STON2: variants seen among roughly 807,000 people sequenced by gnomAD.
The protein encoded by STON2 is stonin-2.
In STON2, 29 loss-of-function variants were observed where a neutral mutation model predicts 65.7. The ratio of observed to expected loss-of-function variants is 0.44; its 90% CI spans 0.33 to 0.60. STON2 has a LOEUF of 0.60. Ranked by LOEUF, STON2 falls within the 20% of genes least tolerant of loss-of-function variation. STON2 has a pLI of 0.03. For synonymous variants in STON2, 404 were observed against 414.2 expected, an observed-to-expected ratio of 0.98 and a Z score of 0.30; for missense variants, 1,054 against 1,118.1, an observed-to-expected ratio of 0.94 and a Z score of 0.82.
chr14:81,425,183 T>A (rs984309533), intron 2 of STON2, among the ~76,000 whole-genome samples: 1 of 151,976 alleles, frequency 6.6e-6, no homozygotes, highest in East Asian at 1.9e-4. Context: ...AGAGTGAGAG[T>A]TTTTTAGAAA....
At chr14:81,402,326 G>A (rs1473228999), upstream of STON2, among the ~76,000 whole-genome samples, 4 of 152,142 alleles carry the variant, frequency 2.6e-5, no homozygotes, top group Admixed American at 2.6e-4. Flanking sequence ...CCATTCTAGG[G>A]CCTGAGGGTC....
At chr14:81,416,076 C>A (rs907934308) in intron 2 of STON2, among the ~76,000 whole-genome samples, 1 of 152,150 alleles carries the variant, frequency 6.6e-6, no homozygotes, top group Non-Finnish European at 1.5e-5. Flanking sequence ...ACAAGCTCTT[C>A]GGGCAGCAGG....
chr14:81,382,437 A>G (rs947842960), intron 3 of STON2, among the ~76,000 whole-genome samples: 2 of 151,876 alleles, frequency 1.3e-5, no homozygotes, highest in African/African-American at 4.9e-5. Flanking sequence ...CATATATATA[A>G]AGTTCAAAAC....
Position 81,324,154 on chromosome 14 carries a change from G to T in STON2, c.605C>A (p.Thr202Lys), listed in dbSNP as rs1566909025. 6.6e-6 allele frequency among the ~76,000 whole-genome samples: 1 copy of T among 152,130 alleles called. No individual in the cohort carries two copies. The highest frequency in any genetic ancestry group is 2.1e-4 in the South Asian group (1 of 4,816). ...GCATGCTTGAACAGGACTCACTGCC[G>T]TCTGCCTGCCTGTCTGCCACTCCGT... ...KRTEWQTGRQ[T>K]AVSPVQACSE... Residue 202 changes from threonine (T) to lysine (K), a missense_variant, in exon 5 of 8, where the codon ACG becomes AAG. Coordinates refer to ENST00000614646, the MANE Select transcript of STON2 (RefSeq NM_001394390.1).
chr14:81,345,442 C>G (rs1054575723), intron 4 of STON2, among the ~76,000 whole-genome samples: 39 of 152,262 alleles, frequency 2.6e-4, no homozygotes, highest in Non-Finnish European at 5.6e-4. Context: ...CAGAAGAAAC[C>G]AACTCTACTG....
Position 81,347,209 on chromosome 14 carries a change from C to T in STON2, c.572-23022G>A, listed in dbSNP as rs922567590. On this transcript the variant is annotated intron_variant, in intron 4 of 7. Coordinates refer to ENST00000614646, the MANE Select transcript of STON2 (RefSeq NM_001394390.1). ...AACCAAGGGAAAGGAGAGAAGTTCC[C>T]AATAAACAAAATCTGAAACAAAAAA... Among the ~76,000 whole-genome samples, 3 of 151,440 alleles carry T rather than the reference C, an allele frequency of 2.0e-5. No homozygotes were observed. The East Asian group carries it at 5.8e-4, about 29-fold the overall frequency.
intron 6 of STON2, among the ~76,000 whole-genome samples, chr14:81,275,152 T>TAAA (rs373285108): frequency 6.6e-6 from 1 of 152,094 alleles, no homozygotes; most frequent in African/African-American, 2.4e-5. Context: ...ATAATAATAA[T>TAAA]AAACCTTCAT....
chr14:81,427,455 G>C (rs945514020), intron 1 of STON2: 10 of 152,160 alleles, frequency 6.6e-5, no homozygotes, highest in African/African-American at 2.4e-4. Context: ...TGACTCCTTG[G>C]GACTGCCTCC....
At chr14:81,424,817 A>G (rs1901887878) in intron 2 of STON2, among the ~76,000 whole-genome samples, 1 of 152,236 alleles carries the variant, frequency 6.6e-6, no homozygotes, top group African/African-American at 2.4e-5. Flanking sequence ...AAAGACCAAA[A>G]GAAAAATTTA....
chr14:81,279,476 G>C (rs1895017787), intron 5 of STON2, among the ~76,000 whole-genome samples: 1 of 152,134 alleles, frequency 6.6e-6, no homozygotes, highest in East Asian at 1.9e-4. Flanking sequence ...AAATCACGAG[G>C]TCAGGAATTC....
intron 3 of STON2, among the ~76,000 whole-genome samples, chr14:81,386,047 CG>C (rs1899785444): frequency 6.6e-6 from 1 of 151,996 alleles, no homozygotes. Flanking sequence ...CCTGGAACGG[CG>C]AGAGAGGCAG....
rs1896397537 is a variant in STON2, at chr14:81,310,887, C to T, written c.742+13130G>A. On this transcript the variant is annotated intron_variant, in intron 5 of 7. Coordinates refer to ENST00000614646, the MANE Select transcript of STON2 (RefSeq NM_001394390.1). ...TTTGACTTTTCATAGGTGTTTTCCT[C>T]TAAATGCAAAGGCCTTTGACTTTTC... Among the ~76,000 whole-genome samples the T allele has an allele frequency of 2.6e-5, 4 of 152,118 alleles. No homozygotes were observed. In the South Asian group the frequency reaches 8.3e-4, roughly 31 times the overall value.
intron 5 of STON2, among the ~76,000 whole-genome samples, chr14:81,292,854 A>G (rs2140160451): frequency 6.6e-6 from 1 of 152,324 alleles, no homozygotes; most frequent in South Asian, 2.1e-4. Context: ...TCTTAAACCA[A>G]CATGGTTCAG....
chr14:81,264,349 T>C lies in STON2; in HGVS notation c.*4065A>G. 1 of 985,464 alleles carries C rather than the reference T, an allele frequency of 1.0e-6. No individual in the cohort carries two copies. The highest frequency in any genetic ancestry group is 1.2e-6 in the Non-Finnish European group (1 of 829,910). 61.0% of individuals were successfully genotyped at this position (985,464 alleles called of 1,614,324 possible). On this transcript the variant is annotated 3_prime_UTR_variant, in exon 8 of 8. Coordinates refer to ENST00000614646, the MANE Select transcript of STON2 (RefSeq NM_001394390.1). ...AAAAGCATGCTTGCTGGCTTTATTA[T>C]GAGTATTTGATGATAAGTAAGGGTT...
intron 5 of STON2, among the ~76,000 whole-genome samples, chr14:81,308,771 T>G (rs1199943525): frequency 1.5e-5 from 2 of 137,448 alleles, no homozygotes; most frequent in Non-Finnish European, 3.1e-5. Flanking sequence ...CCAGAGGACA[T>G]GGTTTTACCC....
At chr14:81,342,064 C>T (rs1450797181) in intron 4 of STON2, among the ~76,000 whole-genome samples, 2 of 152,082 alleles carry the variant, frequency 1.3e-5, no homozygotes, top group East Asian at 1.9e-4. Context: ...GTATAAACCA[C>T]GCTAGACTGT....
Position 81,264,738 on chromosome 14 carries a change from C to G in STON2, c.*3676G>C. ...CAGGAAGGCACAGTAAGGGAAGAGC[C>G]AAATAGAAAAAATGAAACTGTCCAG... is the stretch of plus-strand genomic sequence containing the variant. On this transcript the variant is annotated 3_prime_UTR_variant, in exon 8 of 8. Coordinates refer to ENST00000614646, the MANE Select transcript of STON2 (RefSeq NM_001394390.1). The G allele has an allele frequency of 4.1e-6, 4 of 985,122 alleles. No homozygotes were observed. The highest frequency in any genetic ancestry group is 4.8e-6 in the Non-Finnish European group (4 of 829,848). 61.0% of individuals were successfully genotyped at this position (985,122 alleles called of 1,614,324 possible).
At chr14:81,347,644 A>T (rs1897863579) in intron 4 of STON2, among the ~76,000 whole-genome samples, 1 of 136,344 alleles carries the variant, frequency 7.3e-6, no homozygotes, top group East Asian at 2.1e-4. Flanking sequence ...AAAACCCTAC[A>T]GGCCAGTATC....
chr14:81,308,824 A>ATGTG (rs1210133523), intron 5 of STON2, among the ~76,000 whole-genome samples: 10 of 10,420 alleles, frequency 9.6e-4, no homozygotes, highest in East Asian at 1.9e-3. Flanking sequence ...ATATATATAT[A>ATGTG]TGTGTGTGTG....
Sources: gnomAD v4.1 joint callset for allele counts (sites outside exome capture counted in the v4.1 genomes callset) on GRCh38, gnomAD v4.1.1 for gene constraint, MANE v1.5 for transcripts, NCBI Gene and HGNC (gene_info 2026-07-23, HGNC 2026-07-21) for gene names.